Variants in EFCAB11 observed in about 807,000 individuals in gnomAD.
The protein encoded by EFCAB11 is EF-hand calcium binding domain 11.
In EFCAB11, 14 loss-of-function variants were observed where a neutral mutation model predicts 23.0. That is an observed-to-expected ratio of 0.61 (90% CI 0.40 to 0.95). EFCAB11 has a LOEUF of 0.95. Ranked by LOEUF, EFCAB11 falls within the 40% of genes least tolerant of loss-of-function variation. The pLI, the probability that EFCAB11 is intolerant of heterozygous loss-of-function variation, is 0.00. For synonymous variants in EFCAB11, 65 were observed against 66.6 expected (o/e 0.98, Z 0.11); for missense variants, 198 against 195.8 (o/e 1.01, Z -0.07).
At chr14:89,932,407 T>C (rs1890421094) in intron 4 of EFCAB11, 119 bp downstream of exon 4, 1 of 754,834 alleles carries the variant, frequency 1.3e-6, no homozygotes, top group South Asian at 2.0e-5. Context: ...TAACAGCTAA[T>C]GAATACAGTA....
chr14:89,894,040 C>CGCGATCTCG (rs1249156244), intron 5 of EFCAB11, among the ~76,000 whole-genome samples: 1 of 151,728 alleles, frequency 6.6e-6, no homozygotes, highest in Admixed American at 6.6e-5. Flanking sequence ...AGTGCAGTGG[C>CGCGATCTCG]GCGATCTCGG....
chr14:89,863,248 A>C (rs1197036928), intron 5 of EFCAB11, among the ~76,000 whole-genome samples: 2 of 152,224 alleles, frequency 1.3e-5, no homozygotes, highest in African/African-American at 4.8e-5. Context: ...CCAGCTAAGA[A>C]CTCTGCCAAC....
intron 5 of EFCAB11, among the ~76,000 whole-genome samples, chr14:89,800,276 C>T (rs752545835): frequency 4.6e-5 from 7 of 152,114 alleles, no homozygotes; most frequent in African/African-American, 7.2e-5. Context: ...GTAAGTAAGT[C>T]GATTACAGTT....
intron 5 of EFCAB11, among the ~76,000 whole-genome samples, chr14:89,922,554 A>G (rs7152218): frequency 0.32 from 48,063 of 151,980 alleles, 11,647 homozygotes; most frequent in African/African-American, 0.67. Context: ...GGGCTTGACT[A>G]GACTCCTGAC....
At position 89,833,232 on chromosome 14, in the gene EFCAB11, G is replaced by C. The variant is rs541788112; in HGVS notation, c.411-35908C>G. On this transcript the variant is annotated intron_variant, in intron 5 of 5. Transcript: ENST00000316738. Reference sequence around the variant, plus strand: ...TCACATGATGAATATTGTTATTAAAGTAACTGTGGCAGGAACAGATGGAAT... The same window carrying C: ...TCACATGATGAATATTGTTATTAAACTAACTGTGGCAGGAACAGATGGAAT... 3.3e-5 allele frequency: 5 copies of C among 152,268 alleles called. No homozygotes were observed. The East Asian group carries it at 7.7e-4, about 23-fold the overall frequency. 9.4% of individuals were successfully genotyped at this position (152,268 alleles called of 1,614,324 possible).
At chr14:89,871,334 A>G (rs952284656) in intron 5 of EFCAB11, among the ~76,000 whole-genome samples, 4 of 152,196 alleles carry the variant, frequency 2.6e-5, no homozygotes, top group African/African-American at 9.7e-5. Context: ...CTCACTCAAT[A>G]TAGGCATCTG....
At chr14:89,848,816 A>T (rs4479153) in intron 5 of EFCAB11, 87,528 of 151,612 alleles carry the variant, frequency 0.58, 29,393 homozygotes, top group Non-Finnish European at 0.77. Flanking sequence ...AGTCCTAACT[A>T]CTCAGGAGGC....
intron 5 of EFCAB11, among the ~76,000 whole-genome samples, chr14:89,906,214 A>T (rs1224379099): frequency 6.6e-6 from 1 of 151,198 alleles, no homozygotes; most frequent in Non-Finnish European, 1.5e-5. Flanking sequence ...TAAATAAATA[A>T]ATAAATTAAA....
intron 5 of EFCAB11, among the ~76,000 whole-genome samples, chr14:89,837,796 G>C (rs1381441459): frequency 6.6e-6 from 1 of 151,650 alleles, no homozygotes; most frequent in Non-Finnish European, 1.5e-5. Context: ...TCTGCAAAGG[G>C]AAAAGAATAT....
intron 5 of EFCAB11, among the ~76,000 whole-genome samples, chr14:89,851,213 A>G: frequency 6.6e-6 from 1 of 152,222 alleles, no homozygotes; most frequent in East Asian, 1.9e-4. Flanking sequence ...TGGCTTTGTA[A>G]TATAGGCAGC....
At chr14:89,853,148 T>A (rs1277079295) in intron 5 of EFCAB11, among the ~76,000 whole-genome samples, 1 of 152,198 alleles carries the variant, frequency 6.6e-6, no homozygotes, top group African/African-American at 2.4e-5. Flanking sequence ...CTGGCACAAA[T>A]AGGCTTGGGA....
intron 5 of EFCAB11, among the ~76,000 whole-genome samples, chr14:89,897,745 A>G (rs1223633406): frequency 6.6e-6 from 1 of 152,226 alleles, no homozygotes; most frequent in African/African-American, 2.4e-5. Context: ...ACAAATTTAC[A>G]TCTAGTTACA....
At chr14:89,888,046 T>C (rs980274790) in intron 5 of EFCAB11, among the ~76,000 whole-genome samples, 6 of 152,168 alleles carry the variant, frequency 3.9e-5, no homozygotes, top group Non-Finnish European at 8.8e-5. Context: ...TTCAACATAC[T>C]GAGGTAGATA....
At chr14:89,892,151 G>T in intron 5 of EFCAB11, 3 of 1,564,170 alleles carry the variant, frequency 1.9e-6, no homozygotes, top group Non-Finnish European at 2.6e-6. Flanking sequence ...CCCGGACAAG[G>T]TCATCTTCCT....
chr14:89,934,147 A>T (rs540506243), intron 3 of EFCAB11, among the ~76,000 whole-genome samples: 1 of 152,296 alleles, frequency 6.6e-6, no homozygotes, highest in African/African-American at 2.4e-5. Context: ...GGCAATAGGA[A>T]GTCAACAGAA....
chr14:89,902,476 C>A (rs180973681), intron 5 of EFCAB11, among the ~76,000 whole-genome samples: 1 of 152,194 alleles, frequency 6.6e-6, no homozygotes, highest in African/African-American at 2.4e-5. Flanking sequence ...CAGAATGGCC[C>A]CTGGTGTACA....
intron 5 of EFCAB11, among the ~76,000 whole-genome samples, chr14:89,828,280 T>G (rs973915506): frequency 6.6e-6 from 1 of 152,264 alleles, no homozygotes; most frequent in Non-Finnish European, 1.5e-5. Flanking sequence ...TGACTGACTT[T>G]ATACGTTTTA....
intron 5 of EFCAB11, among the ~76,000 whole-genome samples, chr14:89,832,333 A>G (rs1230315267): frequency 6.6e-6 from 1 of 152,114 alleles, no homozygotes; most frequent in African/African-American, 2.4e-5. Flanking sequence ...AACAACAGCA[A>G]ACTCAAGCTA....
Position 89,954,700 on chromosome 14 carries a change from A to T in EFCAB11, c.-40T>A. ...CCGAGCCCCAGCAACCCAACCAGCT[A>T]CCACCGCTTTCCCAGCCTGGCTGGC... On this transcript the variant is annotated 5_prime_UTR_variant, in exon 1 of 6. Transcript: ENST00000316738. The T allele has an allele frequency of 6.3e-7, 1 of 1,595,796 alleles. No individual in the cohort carries two copies. The highest frequency in any genetic ancestry group is 1.7e-5 in the Admixed American group (1 of 58,548).
Sources: gnomAD v4.1 joint callset for allele counts (sites outside exome capture counted in the v4.1 genomes callset) on GRCh38, gnomAD v4.1.1 for gene constraint, MANE v1.5 for transcripts, NCBI Gene and HGNC (gene_info 2026-07-23, HGNC 2026-07-21) for gene names.